Variants in ATXN2L observed in about 807,000 individuals in gnomAD.
ATXN2L encodes ataxin 2 like.
In ATXN2L, 24 loss-of-function variants were observed where a neutral mutation model predicts 120.7. That is an observed-to-expected ratio of 0.20 (90% CI 0.14 to 0.28). The LOEUF (loss-of-function observed/expected upper bound fraction) is 0.28. Among genes scored for constraint, ATXN2L ranks in the 10% least tolerant of loss-of-function variants. The pLI is 1.00. For missense variants in ATXN2L, 1,312 were observed against 1,432.3 expected, an observed-to-expected ratio of 0.92 and a Z score of 1.36; for synonymous variants, 653 against 568.1, an observed-to-expected ratio of 1.15 and a Z score of -2.13.
In ATXN2L at chr16:28,830,811, G is replaced by GAA. The variant is rs113693959; in HGVS notation, c.1210+22_1210+23insAA. 6.6e-3 allele frequency: 10,476 copies of GAA among 1,576,098 alleles called. 539 individuals carry two copies. The African/African-American group carries it at 0.12, about 18-fold the overall frequency. On this transcript the variant is annotated intron_variant, in intron 9 of 21. Coordinates refer to ENST00000336783, the MANE Select transcript of ATXN2L (RefSeq NM_007245.4). The stretch of plus-strand genomic sequence containing the variant: ...TGGAGGTGAGTTATGAGGTGACTTT[G>GAA]AGGAAGAGGGCAGGGAAGGGGATGC...
intron 10 of ATXN2L, among the ~76,000 whole-genome samples, chr16:28,831,579 T>G (rs906213161): frequency 2.0e-4 from 30 of 152,148 alleles, no homozygotes; most frequent in African/African-American, 5.8e-4. Flanking sequence ...CCTCCCACCT[T>G]GGTCTCCCAA....
At chr16:28,830,936 C>CAAA (rs373844681) in intron 9 of ATXN2L, 26 bp from the exon 10 acceptor site, 1,728 of 1,265,210 alleles carry the variant, frequency 1.4e-3, no homozygotes, top group Admixed American at 2.8e-3. Context: ...ATTTTCTTCT[C>CAAA]AAAAAAAAAA....
intron 8 of ATXN2L, 110 bp from the exon 9 acceptor site, chr16:28,830,503 AGT>A (rs1234521932): frequency 3.0e-6 from 3 of 1,003,858 alleles, no homozygotes; most frequent in Admixed American, 2.8e-5. Context: ...GGAGCCAGGC[AGT>A]GTGTGTATGT....
At chr16:28,829,661 G>A (rs374859753) in intron 7 of ATXN2L, 169 bp downstream of exon 7, 126 of 767,200 alleles carry the variant, frequency 1.6e-4, no homozygotes, top group African/African-American at 5.6e-4. Context: ...GGTTTTAAGC[G>A]TCTTAAGTGC....
chr16:28,831,647 C>T (rs1390648317), intron 10 of ATXN2L, among the ~76,000 whole-genome samples: 1 of 152,160 alleles, frequency 6.6e-6, no homozygotes, highest in Non-Finnish European at 1.5e-5. Flanking sequence ...CTTTTTAAAA[C>T]AGGCCGAGGT....
At position 28,833,366 on chromosome 16, in the gene ATXN2L, G is replaced by T; in HGVS notation, c.1955+12G>T. On this transcript the variant is annotated intron_variant, in intron 14 of 21. Coordinates refer to ENST00000336783, the MANE Select transcript of ATXN2L (RefSeq NM_007245.4). ...GGCCCTGTTGCTGAGTGAGTGGAGCGGGGTGGGGCTCTGGGAGGATGGCAG... is the reference window on the plus strand; with the variant it reads ...GGCCCTGTTGCTGAGTGAGTGGAGCTGGGTGGGGCTCTGGGAGGATGGCAG... 6.2e-7 allele frequency: 1 copy of T among 1,613,452 alleles called. No homozygotes were observed. The highest frequency in any genetic ancestry group is 8.5e-7 in the Non-Finnish European group (1 of 1,179,458).
rs1190036849 is a variant in ATXN2L at position 28,837,002 on chromosome 16, A to G, written c.*737A>G. 4.5e-6 allele frequency: 3 copies of G among 664,786 alleles called. No individual in the cohort carries two copies. The highest frequency in any genetic ancestry group is 2.5e-4 in the Middle Eastern group (1 of 3,980). The allele number at this position is 664,786 out of a possible 1,614,324, so 41.2% of individuals were successfully genotyped here. A position where few individuals can be genotyped will look rare whatever the true frequency, so the allele number is the denominator to read the frequency against. On this transcript the variant is annotated 3_prime_UTR_variant, in exon 22 of 22. Coordinates refer to ENST00000336783, the MANE Select transcript of ATXN2L (RefSeq NM_007245.4). The stretch of plus-strand genomic sequence containing the variant: ...GCTCTGCCCCTGCCCGTCCCCACCC[A>G]GTCTTGCCCTCCCATCCTCTCATCT...
intron 1 of ATXN2L, chr16:28,823,795 C>T (rs576747334): frequency 7.3e-6 from 3 of 412,032 alleles, no homozygotes; most frequent in Non-Finnish European, 1.2e-5. Context: ...GGGCTCGCAG[C>T]CCCGGCCTTC....
Position 28,834,580 on chromosome 16 carries a change from G to T in ATXN2L, c.2320G>T (p.Ala774Ser). 6.2e-7 allele frequency: 1 copy of T among 1,612,870 alleles called. No individual in the cohort carries two copies. The highest frequency in any genetic ancestry group is 8.5e-7 in the Non-Finnish European group (1 of 1,179,870). The change falls in exon 18 of 22, where the codon GCT (alanine) becomes TCT (serine). Residue 774 changes from alanine (A) to serine (S), a missense_variant. Transcript: ENST00000336783. ...APPMMQAAAAAGPPLVAATPY... is the reference protein window; with the variant it reads ...APPMMQAAAASGPPLVAATPY... ...GCCGATGATGCAGGCCGCCGCGGCT[G>T]CTGGCCCGCCTCTGGTGGCTGCCAC...
chr16:28,835,072 C>T lies in ATXN2L; in HGVS notation c.2448C>T (p.Pro816=), dbSNP rs1959818759. The change falls in exon 19 of 22, where the codon CCC becomes CCT. Residue 816 remains proline (P), a synonymous_variant. Transcript: ENST00000336783. ...TGTCCCGCCAGCCGGTGTTTGCCCCCATGCTTCAGAGCAACCCACGCATGC... is the reference window on the plus strand; with the variant it reads ...TGTCCCGCCAGCCGGTGTTTGCCCCTATGCTTCAGAGCAACCCACGCATGC... ...AHYPSQPVFA[P]MLQSNPRMLT... 2 of 1,612,750 alleles carry T rather than the reference C, an allele frequency of 1.2e-6. No individual in the cohort carries two copies. Among genetic ancestry groups the T allele is most frequent in the East Asian group, 2.2e-5 (1 of 44,866 alleles).
At chr16:28,831,953 A>G (rs369837983) in intron 10 of ATXN2L, among the ~76,000 whole-genome samples, 36 of 152,222 alleles carry the variant, frequency 2.4e-4, no homozygotes, top group African/African-American at 6.5e-4. Flanking sequence ...AATTCTGTCA[A>G]CTGAGCTTGC....
At chr16:28,834,459 C>CT (rs1255539641) in intron 17 of ATXN2L, 44 bp downstream of exon 17, 18 of 1,613,622 alleles carry the variant, frequency 1.1e-5, no homozygotes, top group Non-Finnish European at 1.5e-5. Flanking sequence ...TGCCAAGGGC[C>CT]TACTGGCAGG....
chr16:28,825,494 A>C, intron 2 of ATXN2L, 92 bp downstream of exon 2: 1 of 1,546,366 alleles, frequency 6.5e-7, no homozygotes, highest in Non-Finnish European at 8.9e-7. Context: ...GATAGAGTCT[A>C]ATGTACTCAG....
In ATXN2L at chr16:28,830,023, G is replaced by C. The variant is rs1288365184; in HGVS notation, c.999G>C (p.Gln333His). 1 of 1,613,564 alleles carries C rather than the reference G, an allele frequency of 6.2e-7. No individual in the cohort carries two copies. Among genetic ancestry groups the C allele is most frequent in the Non-Finnish European group, 8.5e-7 (1 of 1,179,598 alleles). The change falls in exon 8 of 22, where the codon CAG becomes CAC. Residue 333 changes from glutamine (Q) to histidine (H), a missense_variant. Transcript: ENST00000336783. ...EEEKHSAVQR[Q>H]GSGRESPSLA... ...AGAAGCACAGTGCAGTCCAGCGGCA[G>C]GGCTCAGGGCGGGAGAGCCCCAGCT...
intron 6 of ATXN2L, among the ~76,000 whole-genome samples, chr16:28,828,502 C>T (rs144384023): frequency 1.6e-4 from 24 of 151,686 alleles, no homozygotes; most frequent in African/African-American, 5.6e-4. Flanking sequence ...AGGAGAATCG[C>T]TTGAACCCAA....
In ATXN2L at chr16:28,829,840, C is replaced by T; in HGVS notation, c.834-18C>T. 1 of 1,613,484 alleles carries T rather than the reference C, an allele frequency of 6.2e-7. No homozygotes were observed. The highest frequency in any genetic ancestry group is 1.1e-5 in the South Asian group (1 of 91,044). On this transcript the variant is annotated intron_variant, in intron 7 of 21. Transcript: ENST00000336783. ...CCCCTGGCACTGGGATGGTGGTGGT[C>T]TGTGGGTGCTGTCTCAGGGTGCCCT...
rs770781890 is a variant in ATXN2L, at chr16:28,835,258, C to T, written c.2564-20C>T. 6.2e-6 allele frequency: 10 copies of T among 1,613,642 alleles called. No individual in the cohort carries two copies. In the East Asian group the frequency reaches 2.0e-4, roughly 32 times the overall value. ...CCCTCTGGTGTGCTCAGCACTGGTTCTCCCTCTTTCCTGCTGCAGCCACTG... is the reference window on the plus strand; with the variant it reads ...CCCTCTGGTGTGCTCAGCACTGGTTTTCCCTCTTTCCTGCTGCAGCCACTG... On this transcript the variant is annotated intron_variant, in intron 19 of 21. Transcript: ENST00000336783.
In ATXN2L at chr16:28,826,935, C is replaced by T. The variant is rs2052295265; in HGVS notation, c.690C>T (p.Arg230=). The stretch of plus-strand genomic sequence containing the variant: ...AACACAAAGAGAAGGTGCTTCAGCG[C>T]TGGGAGGGGGGTGACAGCAACAGCG... The part of the protein sequence containing the change: ...NGEHKEKVLQ[R]WEGGDSNSDD... The change falls in exon 6 of 22, where the codon CGC becomes CGT. Residue 230 remains arginine, a synonymous_variant. Coordinates refer to ENST00000336783, the MANE Select transcript of ATXN2L (RefSeq NM_007245.4). 6.3e-7 allele frequency: 1 copy of T among 1,590,076 alleles called. No homozygotes were observed. Among genetic ancestry groups the T allele is most frequent in the Non-Finnish European group, 8.6e-7 (1 of 1,164,926 alleles).
intron 5 of ATXN2L, 106 bp downstream of exon 5, chr16:28,826,496 TTTTG>T (rs370842546): frequency 4.9e-5 from 66 of 1,356,288 alleles, no homozygotes; most frequent in African/African-American, 1.2e-4. Context: ...GTTTTTTTGT[TTTTG>T]TTTGTTTGTT....
Sources: gnomAD v4.1 joint callset for allele counts (sites outside exome capture counted in the v4.1 genomes callset) on GRCh38, gnomAD v4.1.1 for gene constraint, MANE v1.5 for transcripts, NCBI Gene and HGNC (gene_info 2026-07-23, HGNC 2026-07-21) for gene names.